The following DIAPH2 variants were observed in gnomAD, a reference collection of about 807,000 sequenced individuals.
DIAPH2 encodes the protein diaphanous related formin 2, also known as protein diaphanous homolog 2.
In DIAPH2, 35 loss-of-function variants were observed where a neutral mutation model predicts 92.7. The observed-to-expected ratio is 0.38, with a 90% CI of 0.29 to 0.50. The LOEUF is 0.50. DIAPH2 is among the 20% of genes least tolerant of loss of function. The pLI, the probability that DIAPH2 is intolerant of heterozygous loss-of-function variation, is 0.94. For synonymous variants in DIAPH2, 301 were observed against 280.4 expected (o/e 1.07, Z -0.73); for missense variants, 701 against 819.5 (o/e 0.86, Z 1.77).
chrX:96,753,145 A>G (rs1388707166), intron 3 of DIAPH2, among the ~76,000 whole-genome samples: 5 of 112,108 alleles, frequency 4.5e-5, no homozygotes, highest in African/African-American at 1.6e-4. Context: ...AAATACAGAC[A>G]CTTAATCTTG....
intron 26 of DIAPH2, among the ~76,000 whole-genome samples, chrX:97,563,868 A>T (rs1234224881): frequency 9.0e-6 from 1 of 111,456 alleles, no homozygotes; most frequent in Non-Finnish European, 1.9e-5. Context: ...TGTTGTAATC[A>T]CAATGGTCCA....
At chrX:97,398,619 G>A (rs1213640058) in intron 25 of DIAPH2, among the ~76,000 whole-genome samples, 1 of 110,667 alleles carries the variant, frequency 9.0e-6, no homozygotes, top group Non-Finnish European at 1.9e-5. Flanking sequence ...GAGGAGCAAG[G>A]TAAACATCTT....
chrX:97,185,411 GTATATATATATGTA>G (rs2067583034), intron 22 of DIAPH2, among the ~76,000 whole-genome samples: 7 of 26,652 alleles, frequency 2.6e-4, no homozygotes, highest in African/African-American at 1.4e-3. Context: ...ATATATATAT[GTATATATATATGTA>G]TATATATATG....
rs368350070 is a variant in DIAPH2 at position 97,599,282 on chromosome X, C to T, written c.3271C>T (p.Arg1091Cys). 1.8e-5 allele frequency: 21 copies of T among 1,193,202 alleles called. No individual in the cohort carries two copies. In the East Asian group the frequency reaches 1.8e-4, roughly 10 times the overall value. ...CAGACGAGTACCTTTGGAAAGGTCA[C>T]GCTCTCGCCACAATGGAGCTATCTC... ...DNRRVPLERS[R>C]SRHNGAISSK Residue 1091 changes from arginine (R) to cysteine (C), a missense_variant, in exon 27 of 27, where the codon CGC (arginine) becomes TGC (cysteine). Around this residue, in one of 3 missense-constraint regions of DIAPH2, gnomAD observed 536 missense variants for 599.3 expected, o/e 0.89. Transcript: ENST00000324765.
intron 26 of DIAPH2, among the ~76,000 whole-genome samples, chrX:97,500,761 GAGATATAT>G (rs2070789633): frequency 2.2e-5 from 1 of 46,268 alleles, no homozygotes; most frequent in Non-Finnish European, 3.7e-5. Flanking sequence ...GCCATTCAAG[GAGATATAT>G]ATATATATAT....
intron 26 of DIAPH2, among the ~76,000 whole-genome samples, chrX:97,476,968 A>AAAAT (rs2070611218): frequency 3.0e-5 from 1 of 33,598 alleles, no homozygotes; most frequent in East Asian, 1.0e-3. Flanking sequence ...AAAAAAAAAA[A>AAAAT]ATATATATAT....
chrX:97,176,852 A>G (rs1309375632), intron 22 of DIAPH2, among the ~76,000 whole-genome samples: 2 of 111,890 alleles, frequency 1.8e-5, no homozygotes, highest in African/African-American at 3.3e-5. Flanking sequence ...AGACCTCTGC[A>G]GATTCCGAAA....
chrX:97,592,336 T>G (rs1602688584), intron 26 of DIAPH2, among the ~76,000 whole-genome samples: 1 of 111,641 alleles, frequency 9.0e-6, no homozygotes, highest in African/African-American at 3.2e-5. Flanking sequence ...AGTTACTACC[T>G]GGCAGGGAGG....
At chrX:96,751,652 G>GT (rs1219167141) in intron 3 of DIAPH2, among the ~76,000 whole-genome samples, 800 of 60,267 alleles carry the variant, frequency 0.013, 67 homozygotes, top group African/African-American at 0.03. Flanking sequence ...TCAGTGTTTT[G>GT]TTTTTTTTTT....
At position 97,276,846 on chromosome X, in the gene DIAPH2, G is replaced by C. The variant is rs142656484; in HGVS notation, c.2844+29007G>C. Among the ~76,000 whole-genome samples the C allele has an allele frequency of 1.7e-3, 186 of 111,869 alleles. 2 individuals are homozygous for C. In the East Asian group the frequency reaches 0.046, roughly 28 times the overall value. ...TACCTGATATATATAAATTTTGCTA[G>C]CTGCATTCCATAGAATAAGAGAATA... On this transcript the variant is annotated intron_variant, in intron 23 of 26. Coordinates refer to ENST00000324765, the MANE Select transcript of DIAPH2 (RefSeq NM_006729.5).
At chrX:96,695,926 A>G (rs1187902748) in intron 1 of DIAPH2, among the ~76,000 whole-genome samples, 1 of 112,333 alleles carries the variant, frequency 8.9e-6, no homozygotes, top group Non-Finnish European at 1.9e-5. Context: ...GAACTAGTCA[A>G]AACTTCATTT....
Position 97,077,590 on chromosome X carries a change from G to C in DIAPH2, c.2247+2329G>C, listed in dbSNP as rs1030351677. ...CCCAGAACTTGAATTAACAGTAGTA[G>C]TATTTTCTCTTCCAGTATGGGTCAA... On this transcript the variant is annotated intron_variant, in intron 19 of 26. Transcript: ENST00000324765. 3.6e-5 allele frequency among the ~76,000 whole-genome samples: 4 copies of C among 111,840 alleles called. No homozygotes were observed. In the East Asian group the frequency reaches 8.4e-4, roughly 23 times the overall value.
At chrX:97,485,451 A>G (rs993133791) in intron 26 of DIAPH2, among the ~76,000 whole-genome samples, 8 of 112,494 alleles carry the variant, frequency 7.1e-5, no homozygotes, top group South Asian at 3.7e-4. Context: ...ACTAAATGCT[A>G]TACAAACAAA....
chrX:96,833,809 C>T (rs1276556221), intron 4 of DIAPH2, among the ~76,000 whole-genome samples: 1 of 110,401 alleles, frequency 9.1e-6, no homozygotes, highest in Non-Finnish European at 1.9e-5. Flanking sequence ...TACAGGTGTA[C>T]ACCACCATGT....
chrX:97,053,361 A>G (rs1010136224), intron 17 of DIAPH2, among the ~76,000 whole-genome samples: 1 of 111,514 alleles, frequency 9.0e-6, no homozygotes, highest in Non-Finnish European at 1.9e-5. Context: ...AATATTCATC[A>G]TGTTCAGTTC....
intron 23 of DIAPH2, among the ~76,000 whole-genome samples, chrX:97,317,342 G>A (rs188745699): frequency 5.6e-4 from 62 of 111,543 alleles, no homozygotes; most frequent in African/African-American, 2.0e-3. Flanking sequence ...TTATTCTAAC[G>A]GTGCAAGGAC....
At chrX:97,111,171 G>A (rs757048653) in intron 20 of DIAPH2, among the ~76,000 whole-genome samples, 58 of 112,031 alleles carry the variant, frequency 5.2e-4, no homozygotes, top group South Asian at 1.5e-3. Flanking sequence ...GAAAGTAAAC[G>A]TATGGATCAT....
rs967987702 is a variant in DIAPH2 at position 97,173,994 on chromosome X, G to A, written c.2719+32200G>A. Among the ~76,000 whole-genome samples, 32 of 105,394 alleles carry A rather than the reference G, an allele frequency of 3.0e-4. 1 individual carries two copies. The highest frequency in any genetic ancestry group is 7.2e-4 in the African/African-American group (21 of 29,163). 91.5% of individuals were successfully genotyped at this position (105,394 alleles called of 115,157 possible). On this transcript the variant is annotated intron_variant, in intron 22 of 26. Transcript: ENST00000324765. Reference sequence around the variant, plus strand: ...GCAGTTAAGCAGTAGAGTAACAGTTGCATTTATTAAGGATTTAGTATATAA... The same window carrying A: ...GCAGTTAAGCAGTAGAGTAACAGTTACATTTATTAAGGATTTAGTATATAA...
chrX:96,888,481 T>TAA (rs1164830379), intron 5 of DIAPH2, among the ~76,000 whole-genome samples: 1 of 104,546 alleles, frequency 9.6e-6, no homozygotes, highest in African/African-American at 3.5e-5. Flanking sequence ...TATATATATA[T>TAA]AACACAGATA....
Sources: allele counts gnomAD v4.1 joint callset (sites outside exome capture counted in the v4.1 genomes callset), GRCh38; gene constraint gnomAD v4.1.1; regional missense constraint gnomAD v4.1.1; transcripts MANE v1.5; gene names NCBI Gene and HGNC (gene_info 2026-07-23, HGNC 2026-07-21).